The following NCKAP5 variants were observed in gnomAD, a reference collection of about 807,000 sequenced individuals.
NCKAP5 encodes the protein nck-associated protein 5.
A neutral mutation model predicts 167.0 loss-of-function variants in NCKAP5; 92 were observed. The ratio of observed to expected loss-of-function variants is 0.55; its 90% CI spans 0.47 to 0.66. NCKAP5 has a LOEUF of 0.66. Ranked by LOEUF, NCKAP5 falls within the 30% of genes least tolerant of loss-of-function variation. NCKAP5 has a pLI of 0.00. For missense variants in NCKAP5, 2,378 were observed against 2,315.0 expected, an observed-to-expected ratio of 1.03 and a Z score of -0.56; for synonymous variants, 891 against 877.4, an observed-to-expected ratio of 1.02 and a Z score of -0.27.
chr2:132,692,514 C>A (rs563532225), intron 19 of NCKAP5, among the ~76,000 whole-genome samples: 5 of 152,112 alleles, frequency 3.3e-5, no homozygotes. Context: ...ACCATAAAGG[C>A]AGGGACCTTG....
intron 6 of NCKAP5, among the ~76,000 whole-genome samples, chr2:133,006,626 ATTT>A (rs11325580): frequency 8.7e-4 from 106 of 121,454 alleles, no homozygotes; most frequent in South Asian, 3.3e-3. Context: ...ATTTTATTTT[ATTT>A]TTTTTTTGAC....
At position 132,687,530 on chromosome 2, in the gene NCKAP5, A is replaced by T. The variant is rs529592615; in HGVS notation, c.5714-14225T>A. Among the ~76,000 whole-genome samples, 5 of 152,228 alleles carry T rather than the reference A, an allele frequency of 3.3e-5. No individual in the cohort carries two copies. In the East Asian group the frequency reaches 9.7e-4, roughly 29 times the overall value. On this transcript the variant is annotated intron_variant, in intron 19 of 19. Coordinates refer to ENST00000409261, the MANE Select transcript of NCKAP5 (RefSeq NM_207363.3). The stretch of plus-strand genomic sequence containing the variant: ...CTATAGTTCTCTAAAGTGACTGGAG[A>T]AATACTTTTCCTTAAATCAGTGGTA...
At chr2:132,994,383 G>T in intron 6 of NCKAP5, 144 bp from the exon 7 acceptor site, 1 of 629,002 alleles carries the variant, frequency 1.6e-6, no homozygotes, top group Non-Finnish European at 2.7e-6. Context: ...TCTTCTATCA[G>T]TTATCTGTCA....
In NCKAP5 at chr2:132,784,035, A is replaced by G; in HGVS notation, c.2776T>C (p.Ser926Pro). The change falls in exon 14 of 20, where the codon TCC (serine) becomes CCC (proline). Residue 926 changes from serine (S) to proline (P), a missense_variant. Ser to Pro is a moderately conservative substitution (Grantham distance 74). Coordinates refer to ENST00000409261, the MANE Select transcript of NCKAP5 (RefSeq NM_207363.3). Reference protein sequence around the residue: ...CGSGPEAGVKSPSPPPPPGRS... With the variant: ...CGSGPEAGVKPPSPPPPPGRS... ...CCTGGAGGGGGCGGAGGGGAAGGGG[A>G]TTTCACCCCTGCCTCCGGCCCAGAG... The G allele has an allele frequency of 6.5e-7, 1 of 1,545,520 alleles. No individual in the cohort carries two copies. The highest frequency in any genetic ancestry group is 8.7e-7 in the Non-Finnish European group (1 of 1,149,614).
chr2:133,581,087 G>T, the NCKAP5 span, among the ~76,000 whole-genome samples: 1 of 152,028 alleles, frequency 6.6e-6, no homozygotes, highest in African/African-American at 2.4e-5. Flanking sequence ...AGAACTCTGT[G>T]TCTGAAAGAA....
chr2:133,456,019 G>A (rs942436228), intron 3 of NCKAP5, among the ~76,000 whole-genome samples: 2 of 152,158 alleles, frequency 1.3e-5, no homozygotes, highest in Non-Finnish European at 2.9e-5. Context: ...TGTATCTTTT[G>A]TGATGGTGTG....
At chr2:133,283,891 G>A (rs931530752) in intron 4 of NCKAP5, among the ~76,000 whole-genome samples, 8 of 152,108 alleles carry the variant, frequency 5.3e-5, no homozygotes, top group African/African-American at 1.4e-4. Context: ...GATTACAGGC[G>A]TGAGCCACCG....
intron 6 of NCKAP5, among the ~76,000 whole-genome samples, chr2:133,036,188 C>T (rs1178201982): frequency 6.6e-6 from 1 of 151,836 alleles, no homozygotes; most frequent in African/African-American, 2.4e-5. Context: ...TAAAAATCTT[C>T]CCAGTAAAGA....
intron 6 of NCKAP5, among the ~76,000 whole-genome samples, chr2:133,062,062 A>G (rs936637132): frequency 5.3e-5 from 8 of 152,216 alleles, no homozygotes; most frequent in African/African-American, 1.9e-4. Flanking sequence ...TGAGTACTAA[A>G]GATAAAATGT....
chr2:133,101,174 G>T (rs2081502287), intron 6 of NCKAP5, among the ~76,000 whole-genome samples: 1 of 146,182 alleles, frequency 6.8e-6, no homozygotes, highest in Non-Finnish European at 1.5e-5. Context: ...TTTCCCCATT[G>T]CTTGTTTTTC....
chr2:132,823,151 T>C (rs1574334796), intron 11 of NCKAP5, among the ~76,000 whole-genome samples: 1 of 152,198 alleles, frequency 6.6e-6, no homozygotes, highest in African/African-American at 2.4e-5. Flanking sequence ...TGAGGAAGAC[T>C]TGGCCTTGCT....
the NCKAP5 span, among the ~76,000 whole-genome samples, chr2:133,641,446 G>A: frequency 2.0e-5 from 3 of 152,240 alleles, no homozygotes; most frequent in Non-Finnish European, 4.4e-5. Context: ...ATGTTGGACT[G>A]AAATCCTAGC....
rs1299978635 is a variant in NCKAP5 at position 133,277,524 on chromosome 2, T to G, written c.143+25513A>C. On this transcript the variant is annotated intron_variant, in intron 4 of 19. Transcript: ENST00000409261. ...AATCACAAAAATAGATGTGAAGTAA[T>G]AGAGACATTGGCTGTTCTATAACAG... Among the ~76,000 whole-genome samples the G allele has an allele frequency of 2.0e-5, 3 of 152,138 alleles. No individual in the cohort carries two copies. The East Asian group carries it at 5.8e-4, about 29-fold the overall frequency.
At chr2:132,905,249 CT>C (rs1308149062) in intron 8 of NCKAP5, among the ~76,000 whole-genome samples, 2 of 152,248 alleles carry the variant, frequency 1.3e-5, no homozygotes, top group East Asian at 3.9e-4. Flanking sequence ...ACAATATCTC[CT>C]TTACAACTAT....
chr2:133,457,452 C>A (rs1231214890), intron 3 of NCKAP5, among the ~76,000 whole-genome samples: 1 of 152,048 alleles, frequency 6.6e-6, no homozygotes, highest in South Asian at 2.1e-4. Context: ...ATTTCTAAGA[C>A]AGAATGGCAA....
chr2:133,490,626 A>C (rs1410778441), intron 3 of NCKAP5, among the ~76,000 whole-genome samples: 1 of 152,176 alleles, frequency 6.6e-6, no homozygotes, highest in African/African-American at 2.4e-5. Flanking sequence ...TAATGGTGAA[A>C]AGGTCCCAAG....
At chr2:132,872,545 C>T (rs1690908693) in intron 9 of NCKAP5, among the ~76,000 whole-genome samples, 1 of 152,138 alleles carries the variant, frequency 6.6e-6, no homozygotes, top group Non-Finnish European at 1.5e-5. Context: ...AGAGAGGGAG[C>T]CAATTCTCAG....
intron 1 of NCKAP5, among the ~76,000 whole-genome samples, chr2:133,560,657 C>G (rs1211285202): frequency 6.6e-6 from 1 of 152,112 alleles, no homozygotes; most frequent in African/African-American, 2.4e-5. Flanking sequence ...CCTGCTCCTC[C>G]CCACCACTGT....
chr2:133,582,438 G>T, the NCKAP5 span, among the ~76,000 whole-genome samples: 1 of 152,170 alleles, frequency 6.6e-6, no homozygotes, highest in South Asian at 2.1e-4. Context: ...TCACTCCAGC[G>T]TAATTCACTC....
Sources: allele counts gnomAD v4.1 joint callset (sites outside exome capture counted in the v4.1 genomes callset), GRCh38; gene constraint gnomAD v4.1.1; transcripts MANE v1.5; gene names NCBI Gene and HGNC (gene_info 2026-07-23, HGNC 2026-07-21).